The following UBE2F variants were observed in gnomAD, a reference collection of about 807,000 sequenced individuals.
UBE2F encodes the protein ubiquitin conjugating enzyme E2 F (putative).
Under a neutral mutation model 29.6 loss-of-function variants are expected in UBE2F, and 5 were observed. That is an observed-to-expected ratio of 0.17 (90% CI 0.09 to 0.36). The LOEUF is 0.36. Among genes scored for constraint, UBE2F ranks in the 10% least tolerant of loss-of-function variants. The pLI, the probability that UBE2F is intolerant of heterozygous loss-of-function variation, is 1.00. For missense variants in UBE2F, 141 were observed against 228.5 expected, an observed-to-expected ratio of 0.62 and a Z score of 2.47; for synonymous variants, 66 against 81.8, an observed-to-expected ratio of 0.81 and a Z score of 1.04.
chr2:238,004,311 G>A (rs903616092), intron 4 of UBE2F, among the ~76,000 whole-genome samples: 2 of 152,026 alleles, frequency 1.3e-5, no homozygotes, highest in African/African-American at 2.4e-5. Flanking sequence ...TTACATGGTG[G>A]TATTTAATTG....
intron 6 of UBE2F, chr2:238,028,913 A>G (rs1277550726): frequency 1.7e-5 from 1 of 59,196 alleles, no homozygotes; most frequent in African/African-American, 5.9e-5. Flanking sequence ...GAAGCTTGGC[A>G]ATAAATTATA....
intron 2 of UBE2F, among the ~76,000 whole-genome samples, chr2:237,976,281 T>A (rs914627289): frequency 6.6e-6 from 1 of 151,998 alleles, no homozygotes; most frequent in Non-Finnish European, 1.5e-5. Context: ...GCCTGAGGAG[T>A]TGCAGCAAGG....
intron 5 of UBE2F, among the ~76,000 whole-genome samples, chr2:238,022,175 C>CTTTTT (rs1162304454): frequency 0.051 from 3,217 of 63,186 alleles, 201 homozygotes; most frequent in African/African-American, 0.13. Context: ...CTTTTCTTTT[C>CTTTTT]TTTTTTTTTT....
At chr2:238,003,065 T>C (rs1392133769) in intron 4 of UBE2F, among the ~76,000 whole-genome samples, 1 of 152,228 alleles carries the variant, frequency 6.6e-6, no homozygotes, top group Non-Finnish European at 1.5e-5. Context: ...ACATGTAGTT[T>C]ATTGTTAATA....
intron 3 of UBE2F, among the ~76,000 whole-genome samples, chr2:237,990,991 C>A (rs764962518): frequency 1.3e-5 from 2 of 152,052 alleles, no homozygotes; most frequent in Non-Finnish European, 2.9e-5. Context: ...TGATACATAT[C>A]TTACAGAGAT....
Position 238,025,456 on chromosome 2 carries a change from T to C in UBE2F, c.353+44T>C, listed in dbSNP as rs1381397953. The C allele has an allele frequency of 2.0e-6, 3 of 1,532,132 alleles. No individual in the cohort carries two copies. In the Admixed American group the frequency reaches 5.3e-5, roughly 27 times the overall value. 94.9% of individuals were successfully genotyped at this position (1,532,132 alleles called of 1,614,324 possible). Reference sequence around the variant, plus strand: ...CTTTCTTCTACATTCGTGAGTGTCATGTGCAAGCGTTGGGCTTTTAAACAT... The same window carrying C: ...CTTTCTTCTACATTCGTGAGTGTCACGTGCAAGCGTTGGGCTTTTAAACAT... On this transcript the variant is annotated intron_variant, in intron 6 of 9. Coordinates refer to ENST00000272930, the MANE Select transcript of UBE2F (RefSeq NM_080678.3).
chr2:238,003,403 C>T, intron 4 of UBE2F: 1 of 470,868 alleles, frequency 2.1e-6, no homozygotes, highest in Non-Finnish European at 4.4e-6. Context: ...GCTTACTGTG[C>T]CTACTGAGTA....
chr2:238,012,596 T>C (rs1007890024), intron 4 of UBE2F, among the ~76,000 whole-genome samples: 9 of 152,232 alleles, frequency 5.9e-5, no homozygotes, highest in Non-Finnish European at 8.8e-5. Context: ...CCATTCAGTT[T>C]ATCAAAACTA....
rs1183974666 is a variant in UBE2F at position 238,042,603 on chromosome 2, C to A, written c.*1265C>A. On this transcript the variant is annotated 3_prime_UTR_variant, in exon 10 of 10. Coordinates refer to ENST00000272930, the MANE Select transcript of UBE2F (RefSeq NM_080678.3). ...AATGTCTGTCTAGTTTCATTTGCTGCCTGCCTAACACTCTCAAACTTAACT... is the reference window on the plus strand; with the variant it reads ...AATGTCTGTCTAGTTTCATTTGCTGACTGCCTAACACTCTCAAACTTAACT... The A allele has an allele frequency of 6.6e-6, 1 of 152,244 alleles. No individual in the cohort carries two copies. Among genetic ancestry groups the A allele is most frequent in the Non-Finnish European group, 1.5e-5 (1 of 68,052 alleles). The allele number at this position is 152,244 out of a possible 1,614,324, so 9.4% of individuals were successfully genotyped here. A position where few individuals can be genotyped will look rare whatever the true frequency, so the allele number is the denominator to read the frequency against.
intron 1 of UBE2F, among the ~76,000 whole-genome samples, chr2:237,969,271 G>A (rs981662973): frequency 1.4e-4 from 21 of 151,734 alleles, no homozygotes; most frequent in Non-Finnish European, 3.1e-4. Flanking sequence ...CGTGATTGGG[G>A]GTATAAAAGC....
chr2:238,029,847 G>A (rs73096373), intron 6 of UBE2F, among the ~76,000 whole-genome samples: 1,888 of 152,280 alleles, frequency 0.012, 49 homozygotes, highest in African/African-American at 0.043. Flanking sequence ...TAATGGCACA[G>A]CACCTAGGAT....
intron 9 of UBE2F, among the ~76,000 whole-genome samples, chr2:238,039,240 AAAT>A (rs1214675331): frequency 6.6e-6 from 1 of 152,248 alleles, no homozygotes; most frequent in Non-Finnish European, 1.5e-5. Context: ...CATCTCAAAA[AAAT>A]AATAATAATG....
chr2:238,022,589 A>G (rs994323974), intron 5 of UBE2F, among the ~76,000 whole-genome samples: 4 of 152,106 alleles, frequency 2.6e-5, no homozygotes, highest in African/African-American at 9.7e-5. Flanking sequence ...AGACCCCAAG[A>G]TGGTCATCTA....
chr2:238,020,291 C>T (rs2064262447), intron 5 of UBE2F, among the ~76,000 whole-genome samples: 1 of 152,102 alleles, frequency 6.6e-6, no homozygotes, highest in Non-Finnish European at 1.5e-5. Flanking sequence ...CTCTCTCTGC[C>T]CCCTACAAAC....
At chr2:237,979,484 C>G (rs1386334795) in intron 2 of UBE2F, among the ~76,000 whole-genome samples, 1 of 152,178 alleles carries the variant, frequency 6.6e-6, no homozygotes, top group South Asian at 2.1e-4. Flanking sequence ...TGTCCTGGCG[C>G]GGAAGTCTAG....
At chr2:238,030,891 G>A (rs1338582655) in intron 7 of UBE2F, among the ~76,000 whole-genome samples, 4 of 152,318 alleles carry the variant, frequency 2.6e-5, no homozygotes, top group East Asian at 1.9e-4. Flanking sequence ...CAAACCACCC[G>A]CCACATAGGA....
chr2:237,990,311 TA>T, intron 3 of UBE2F: 1 of 411,070 alleles, frequency 2.4e-6, no homozygotes. Flanking sequence ...GACATTTTCC[TA>T]ATAAAAATAA....
chr2:237,972,916 A>G (rs550042345), intron 1 of UBE2F, among the ~76,000 whole-genome samples, 176 bp from the exon 2 acceptor site: 159 of 152,336 alleles, frequency 1.0e-3, no homozygotes, highest in African/African-American at 3.7e-3. Flanking sequence ...AGAGGATGGC[A>G]TAGAGCTTCT....
rs1264351854 is a variant in UBE2F at position 238,042,755 on chromosome 2, A to C, written c.*1417A>C. ...CGGAGACCCAGCAGGTGAGGAATGT[A>C]GGCCTTGCTTCCTCTTTGCACCCAT... is the stretch of plus-strand genomic sequence containing the variant. On this transcript the variant is annotated 3_prime_UTR_variant, in exon 10 of 10. Coordinates refer to ENST00000272930, the MANE Select transcript of UBE2F (RefSeq NM_080678.3). 2.0e-5 allele frequency: 3 copies of C among 152,218 alleles called. No homozygotes were observed. Among genetic ancestry groups the C allele is most frequent in the African/African-American group, 7.2e-5 (3 of 41,452 alleles). The allele number at this position is 152,218 out of a possible 1,614,324, so 9.4% of individuals were successfully genotyped here. A position where few individuals can be genotyped will look rare whatever the true frequency, so the allele number is the denominator to read the frequency against.
Sources: allele counts gnomAD v4.1 joint callset (sites outside exome capture counted in the v4.1 genomes callset), GRCh38; gene constraint gnomAD v4.1.1; transcripts MANE v1.5; gene names NCBI Gene and HGNC (gene_info 2026-07-23, HGNC 2026-07-21).